The following PIGG variants were observed in gnomAD, a reference collection of about 807,000 sequenced individuals.
The protein encoded by PIGG is phosphatidylinositol glycan anchor biosynthesis class G (EMM blood group).
A neutral mutation model predicts 83.2 loss-of-function variants in PIGG; 70 were observed. The observed-to-expected ratio is 0.84, with a 90% confidence interval of 0.69 to 1.03. The LOEUF is 1.03. PIGG is among the 50% of genes least tolerant of loss of function. The probability of loss-of-function intolerance (pLI) is 0.00; values close to 1 mark genes in which losing one functional copy is unlikely to be tolerated. For missense variants in PIGG, 1,257 were observed against 1,233.6 expected (o/e 1.02, Z -0.28); for synonymous variants, 532 against 519.5 (o/e 1.02, Z -0.33).
rs955432648 is a variant in PIGG, at chr4:540,157, C to T, written c.*788C>T. On this transcript the variant is annotated 3_prime_UTR_variant, in exon 13 of 13. Coordinates refer to ENST00000453061, the MANE Select transcript of PIGG (RefSeq NM_001127178.3). ...CCAGCCAGGACAACAGAGTGAGACT[C>T]TTGTCTTTAAAATGAAAAAATAAAT... is the stretch of plus-strand genomic sequence containing the variant. 2.0e-5 allele frequency: 3 copies of T among 149,072 alleles called. No individual in the cohort carries two copies. Among genetic ancestry groups the T allele is most frequent in the African/African-American group, 7.6e-5 (3 of 39,268 alleles). The allele number at this position is 149,072 out of a possible 1,614,324, so 9.2% of individuals were successfully genotyped here.
chr4:500,299 A>G lies in PIGG; in HGVS notation c.155-97A>G, dbSNP rs144434217. 741 of 837,516 alleles carry G rather than the reference A, an allele frequency of 8.8e-4. 5 individuals carry two copies. In the African/African-American group the frequency reaches 0.01, roughly 11 times the overall value. The allele number at this position is 837,516 out of a possible 1,614,324, so 51.9% of individuals were successfully genotyped here. A position where few individuals can be genotyped will look rare whatever the true frequency, so the allele number is the denominator to read the frequency against. ...TTGGGTTATGTAGATATCGCAGGGT[A>G]TGTGCTGGAGAAGTAGGTAGAAGCT... is the stretch of plus-strand genomic sequence containing the variant. On this transcript the variant is annotated intron_variant, in intron 1 of 12. Transcript: ENST00000453061.
In PIGG at chr4:527,080, CCCT is replaced by C. The variant is rs755344481; in HGVS notation, c.2116_2118del (p.Leu706del). The C allele has an allele frequency of 5.0e-6, 8 of 1,613,910 alleles. No homozygotes were observed. Among genetic ancestry groups the C allele is most frequent in the Non-Finnish European group, 5.1e-6 (6 of 1,179,920 alleles). On this transcript the variant is annotated inframe_deletion, in exon 10 of 13. Transcript: ENST00000453061. ...GAGCTCTCTGTCCTGGCTGCCCTCT[CCCT>C]CCTCGTAGTTTTTGTGCTGGTGCAG... is the stretch of plus-strand genomic sequence containing the variant.
intron 3 of PIGG, among the ~76,000 whole-genome samples, 195 bp downstream of exon 3, chr4:506,122 T>G (rs1719591377): frequency 6.6e-6 from 1 of 151,686 alleles, no homozygotes; most frequent in African/African-American, 2.4e-5. Context: ...CTGAAGCAGG[T>G]GTGAGCAGAG....
In PIGG at chr4:499,288, C is replaced by A. The variant is rs1448922535; in HGVS notation, c.-48C>A. ...AGCCGGAAGCGCGGCTGCAGCAGGG[C>A]GAGGCTCCAGGTGGGGTCGGTTCCG... On this transcript the variant is annotated 5_prime_UTR_variant, in exon 1 of 13. Coordinates refer to ENST00000453061, the MANE Select transcript of PIGG (RefSeq NM_001127178.3). 1 of 1,584,516 alleles carries A rather than the reference C, an allele frequency of 6.3e-7. No homozygotes were observed. The highest frequency in any genetic ancestry group is 8.5e-7 in the Non-Finnish European group (1 of 1,170,198).
At chr4:525,307 A>C in intron 9 of PIGG, 1 of 985,392 alleles carries the variant, frequency 1.0e-6, no homozygotes, top group Non-Finnish European at 1.2e-6. Context: ...AAAATAACTA[A>C]GATTTGCCGA....
rs181009071 is a variant in PIGG, at chr4:507,981, C to T, written c.759+388C>T. On this transcript the variant is annotated intron_variant, in intron 4 of 12. Transcript: ENST00000453061. The stretch of plus-strand genomic sequence containing the variant: ...CTGTGTCACTCTCTGTTCTGTGTCA[C>T]TCTCTCTGCTCTGTGCCACTGTCTC... Among the ~76,000 whole-genome samples, 31 of 152,300 alleles carry T rather than the reference C, an allele frequency of 2.0e-4. No individual in the cohort carries two copies. The South Asian group carries it at 4.1e-3, about 20-fold the overall frequency.
chr4:539,565 T>C lies in PIGG; in HGVS notation c.*196T>C. Reference sequence around the variant, plus strand: ...CATATTTTCCCCCATTGACAATCACTCTAGAAGCTTCTGAACTTTTAATTT... The same window carrying C: ...CATATTTTCCCCCATTGACAATCACCCTAGAAGCTTCTGAACTTTTAATTT... On this transcript the variant is annotated 3_prime_UTR_variant, in exon 13 of 13. Coordinates refer to ENST00000453061, the MANE Select transcript of PIGG (RefSeq NM_001127178.3). 1.8e-6 allele frequency: 1 copy of C among 563,832 alleles called. No homozygotes were observed. The highest frequency in any genetic ancestry group is 3.1e-6 in the Non-Finnish European group (1 of 318,636). 34.9% of individuals were successfully genotyped at this position (563,832 alleles called of 1,614,324 possible).
intron 11 of PIGG, chr4:532,650 C>G (rs1042944151): frequency 6.6e-6 from 1 of 152,426 alleles, no homozygotes; most frequent in African/African-American, 2.4e-5. Context: ...GACTTGGGGA[C>G]CCCCTGGGCC....
At chr4:538,030 C>T (rs908245996) in intron 12 of PIGG, among the ~76,000 whole-genome samples, 1 of 150,608 alleles carries the variant, frequency 6.6e-6, no homozygotes, top group Non-Finnish European at 1.5e-5. Context: ...CTGAGGAGCC[C>T]TTTACAGGAC....
chr4:527,711 C>T (rs1193826345), intron 10 of PIGG: 1 of 985,296 alleles, frequency 1.0e-6, no homozygotes, highest in South Asian at 4.7e-5. Context: ...AACGAGCCCC[C>T]GTAAGGGGCC....
chr4:521,007 A>G (rs1363030577), intron 6 of PIGG, 49 bp from the exon 7 acceptor site: 1 of 1,240,404 alleles, frequency 8.1e-7, no homozygotes, highest in Non-Finnish European at 1.2e-6. Context: ...ATATAAATGT[A>G]TGTTCACGGT....
intron 2 of PIGG, among the ~76,000 whole-genome samples, chr4:501,367 G>T (rs1452856111): frequency 1.3e-5 from 2 of 152,238 alleles, no homozygotes; most frequent in East Asian, 3.8e-4. Flanking sequence ...GAAAGAACAG[G>T]ATGTGATGAT....
At chr4:534,608 C>T (rs13140110) in intron 12 of PIGG, among the ~76,000 whole-genome samples, 2,906 of 152,372 alleles carry the variant, frequency 0.019, 29 homozygotes, top group Middle Eastern at 0.031. Flanking sequence ...GGCCTGCCCT[C>T]CATGCTCTCC....
intron 6 of PIGG, among the ~76,000 whole-genome samples, chr4:518,419 C>G (rs1454131533): frequency 2.6e-5 from 4 of 152,002 alleles, no homozygotes; most frequent in Admixed American, 6.6e-5. Context: ...CAGTGAAACC[C>G]CATCTCTACT....
At chr4:537,084 A>G (rs28624264) in intron 12 of PIGG, 28,557 of 152,202 alleles carry the variant, frequency 0.19, 3,239 homozygotes, top group African/African-American at 0.32. Context: ...CCTAGTCAAG[A>G]AGCATTTCTC....
chr4:505,172 T>G (rs1553878059), intron 2 of PIGG, among the ~76,000 whole-genome samples: 1 of 152,174 alleles, frequency 6.6e-6, no homozygotes, highest in East Asian at 1.9e-4. Flanking sequence ...GCTGCTTCTC[T>G]GGCTGTTGCC....
intron 4 of PIGG, among the ~76,000 whole-genome samples, chr4:507,936 G>GTTCTGTGTCACTCTCTC (rs1333729413): frequency 2.0e-5 from 3 of 151,906 alleles, no homozygotes; most frequent in South Asian, 2.1e-4. Flanking sequence ...GTCACTCTCT[G>GTTCTGTGTCACTCTCTC]TTCTGTGTCA....
At chr4:507,185 C>G (rs1720017773) in intron 3 of PIGG, among the ~76,000 whole-genome samples, 1 of 152,238 alleles carries the variant, frequency 6.6e-6, no homozygotes, top group East Asian at 1.9e-4. Flanking sequence ...AGCAGTCTTC[C>G]CGCTTCAGCC....
At chr4:501,511 C>G (rs1485224839) in intron 2 of PIGG, 10 of 182,282 alleles carry the variant, frequency 5.5e-5, no homozygotes, top group Admixed American at 2.4e-4. Context: ...CATAAAGTCT[C>G]TGACGGAGCC....
Sources: allele counts gnomAD v4.1 joint callset (sites outside exome capture counted in the v4.1 genomes callset), GRCh38; gene constraint gnomAD v4.1.1; transcripts MANE v1.5; gene names NCBI Gene and HGNC (gene_info 2026-07-23, HGNC 2026-07-21).